Variants in CFAP61 observed in about 807,000 individuals in gnomAD.
CFAP61 encodes the protein cilia and flagella associated protein 61.
Under a neutral mutation model 135.6 loss-of-function variants are expected in CFAP61, and 107 were observed. The observed-to-expected ratio is 0.79, with a 90% CI of 0.67 to 0.93. The LOEUF (loss-of-function observed/expected upper bound fraction) is 0.93, where lower values mean the gene tolerates loss of function less well. Among genes scored for constraint, CFAP61 ranks in the 40% least tolerant of loss-of-function variants. The pLI, the probability that CFAP61 is intolerant of heterozygous loss-of-function variation, is 0.00. For missense variants in CFAP61, 1,507 were observed against 1,556.2 expected (o/e 0.97, Z 0.53); for synonymous variants, 575 against 578.5 (o/e 0.99, Z 0.09).
chr20:20,276,770 A>C (rs1569229334), intron 21 of CFAP61, among the ~76,000 whole-genome samples: 2 of 152,242 alleles, frequency 1.3e-5, no homozygotes, highest in African/African-American at 2.4e-5. Context: ...ATGAGCATGA[A>C]TATTTTTTAC....
At chr20:20,105,663 G>T (rs1011332352) in intron 8 of CFAP61, among the ~76,000 whole-genome samples, 1 of 115,408 alleles carries the variant, frequency 8.7e-6, no homozygotes, top group South Asian at 3.2e-4. Flanking sequence ...ACGGAGTCTC[G>T]CTCTGTCGCC....
In CFAP61 at chr20:20,142,895, A is replaced by G. The variant is rs2051527599; in HGVS notation, c.898A>G (p.Ile300Val). ...LRSSSQGSQK[I>V]VEELQEPVSP... ...GAGTAGCAGCCAAGGTTCCCAAAAA[A>G]TAGTCGAGGAGTTGCAGGAACCTGT... The change falls in exon 9 of 27, where the codon ATA (isoleucine) becomes GTA (valine). Residue 300 changes from isoleucine to valine, a missense_variant. Coordinates refer to ENST00000245957, the MANE Select transcript of CFAP61 (RefSeq NM_015585.4). 1.9e-6 allele frequency: 3 copies of G among 1,605,466 alleles called. No homozygotes were observed. The highest frequency in any genetic ancestry group is 1.1e-5 in the South Asian group (1 of 89,064).
rs1166266296 is a variant in CFAP61 at position 20,056,670 on chromosome 20, C to T, written c.17C>T (p.Ser6Phe). The change falls in exon 2 of 27, where the codon TCT becomes TTT. Residue 6 changes from serine to phenylalanine, a missense_variant. Ser to Phe is a radical substitution (Grantham distance 155). Transcript: ENST00000245957. ...GGATAAAAAATGTCAGTACTCACTT[C>T]TCCAAGAGGAAAGGTAGAAGTTGTT... MSVLT[S>F]PRGKVEVVHC... 1 of 1,614,142 alleles carries T rather than the reference C, an allele frequency of 6.2e-7. No homozygotes were observed. Among genetic ancestry groups the T allele is most frequent in the Non-Finnish European group, 8.5e-7 (1 of 1,180,008 alleles).
chr20:20,052,561 T>G lies in CFAP61; in HGVS notation c.-67T>G, dbSNP rs749414547. ...TGCGCGTCCTCCTTGCGGCAGCGCG[T>G]GGAGTGCGGCGTCCTGGAGCTGCGG... On this transcript the variant is annotated 5_prime_UTR_variant, in exon 1 of 27. Transcript: ENST00000245957. 6.2e-7 allele frequency: 1 copy of G among 1,613,950 alleles called. No individual in the cohort carries two copies. Among genetic ancestry groups the G allele is most frequent in the South Asian group, 1.1e-5 (1 of 91,074 alleles).
At chr20:20,317,994 G>A (rs2057233886) in intron 25 of CFAP61, among the ~76,000 whole-genome samples, 1 of 152,198 alleles carries the variant, frequency 6.6e-6, no homozygotes, top group African/African-American at 2.4e-5. Flanking sequence ...ACAAATGCTG[G>A]AAGTCATTCA....
At chr20:20,145,014 A>G (rs2051755297) in intron 9 of CFAP61, among the ~76,000 whole-genome samples, 1 of 152,252 alleles carries the variant, frequency 6.6e-6, no homozygotes. Context: ...GCAGACCCAC[A>G]TTACGAGAAA....
chr20:20,328,982 T>A (rs1189429182), intron 25 of CFAP61, among the ~76,000 whole-genome samples: 1 of 152,190 alleles, frequency 6.6e-6, no homozygotes, highest in African/African-American at 2.4e-5. Flanking sequence ...GACCTTACTC[T>A]TCCTACTGCA....
chr20:20,215,055 A>G (rs2047945714), intron 17 of CFAP61: 1 of 152,178 alleles, frequency 6.6e-6, no homozygotes, highest in African/African-American at 2.4e-5. Flanking sequence ...AGTGCCACTC[A>G]CTTACTCTAG....
chr20:20,095,748 G>A (rs2047519793), intron 7 of CFAP61: 1 of 152,338 alleles, frequency 6.6e-6, no homozygotes, highest in African/African-American at 2.4e-5. Context: ...GGCAGGGAAA[G>A]CCTGCCAGGT....
chr20:20,295,601 C>T (rs949847522), intron 24 of CFAP61, among the ~76,000 whole-genome samples: 6 of 152,178 alleles, frequency 3.9e-5, no homozygotes, highest in Non-Finnish European at 7.3e-5. Context: ...TCTTTCAAGT[C>T]TTGTGTTTAA....
intron 8 of CFAP61, among the ~76,000 whole-genome samples, chr20:20,102,112 G>A (rs142519162): frequency 6.6e-6 from 1 of 152,172 alleles, no homozygotes; most frequent in South Asian, 2.1e-4. Flanking sequence ...GACCTATGCA[G>A]GGGTCAGGCT....
chr20:20,091,864 G>A (rs1568881394), intron 7 of CFAP61, among the ~76,000 whole-genome samples: 1 of 152,142 alleles, frequency 6.6e-6, no homozygotes, highest in Non-Finnish European at 1.5e-5. Flanking sequence ...TTTTAGTAGA[G>A]ACGGGGTTTC....
At chr20:20,290,532 T>C (rs576374183) in intron 24 of CFAP61, 141 bp downstream of exon 24, 7 of 643,850 alleles carry the variant, frequency 1.1e-5, no homozygotes, top group Non-Finnish European at 1.7e-5. Flanking sequence ...TCCCCCAAGA[T>C]GGCCCTTAGT....
chr20:20,277,110 C>G (rs2053818783), intron 21 of CFAP61, 56 bp from the exon 22 acceptor site: 1 of 1,380,510 alleles, frequency 7.2e-7, no homozygotes, highest in Non-Finnish European at 1.0e-6. Context: ...TAGCATTTGA[C>G]TAAGGTTTTT....
chr20:20,163,559 G>A (rs1478949160), intron 10 of CFAP61, among the ~76,000 whole-genome samples: 3 of 151,548 alleles, frequency 2.0e-5, no homozygotes, highest in Non-Finnish European at 4.4e-5. Flanking sequence ...TATTTGTCTT[G>A]TGTGAGACCT....
chr20:20,221,626 A>G (rs1324204660), intron 17 of CFAP61: 1 of 152,166 alleles, frequency 6.6e-6, no homozygotes, highest in East Asian at 1.9e-4. Flanking sequence ...GTGCCCTTCA[A>G]TTGCATTATT....
intron 21 of CFAP61, chr20:20,265,632 T>C (rs769572185): frequency 1.4e-4 from 97 of 669,560 alleles, no homozygotes; most frequent in Non-Finnish European, 2.3e-4. Context: ...TAGGTGATTT[T>C]CTCCAGGTCT....
chr20:20,229,019 T>A (rs923352478), intron 18 of CFAP61, among the ~76,000 whole-genome samples: 4 of 152,212 alleles, frequency 2.6e-5, no homozygotes, highest in African/African-American at 9.6e-5. Context: ...TTCCAGCCCT[T>A]GAATTTTGGA....
intron 21 of CFAP61, among the ~76,000 whole-genome samples, chr20:20,274,760 C>A (rs6081945): frequency 0.27 from 41,070 of 151,994 alleles, 6,006 homozygotes; most frequent in Middle Eastern, 0.33. Flanking sequence ...ATGTTTTATT[C>A]TATTTGTGGA....
Sources: gnomAD v4.1 joint callset for allele counts (sites outside exome capture counted in the v4.1 genomes callset) on GRCh38, gnomAD v4.1.1 for gene constraint, MANE v1.5 for transcripts, NCBI Gene and HGNC (gene_info 2026-07-23, HGNC 2026-07-21) for gene names.